Variants in PLEKHH1 observed in about 807,000 individuals in gnomAD.
PLEKHH1 encodes pleckstrin homology, MyTH4 and FERM domain containing H1.
PLEKHH1 carries 104 observed loss-of-function variants against 160.0 expected under a neutral mutation model. The observed-to-expected ratio is 0.65, with a 90% confidence interval of 0.55 to 0.76. The LOEUF (loss-of-function observed/expected upper bound fraction) is 0.76, where lower values mean the gene tolerates loss of function less well. Ranked by LOEUF, PLEKHH1 falls within the 30% of genes least tolerant of loss-of-function variation. The pLI, the probability that PLEKHH1 is intolerant of heterozygous loss-of-function variation, is 0.00. For synonymous variants in PLEKHH1, 619 were observed against 678.4 expected (o/e 0.91, Z 1.36); for missense variants, 1,427 against 1,724.1 (o/e 0.83, Z 3.05).
chr14:67,557,500 C>CAGG, intron 4 of PLEKHH1, 82 bp downstream of exon 4: 1 of 1,372,376 alleles, frequency 7.3e-7, no homozygotes, highest in Non-Finnish European at 1.0e-6. Flanking sequence ...CTGTTCCGCT[C>CAGG]AAGCCCTCTA....
chr14:67,569,356 A>G, intron 8 of PLEKHH1, 140 bp downstream of exon 8: 2 of 607,856 alleles, frequency 3.3e-6, no homozygotes, highest in Non-Finnish European at 5.8e-6. Context: ...GGTGAAGTTC[A>G]GGTGAAATCA....
intron 2 of PLEKHH1, among the ~76,000 whole-genome samples, chr14:67,548,367 G>C (rs531380230): frequency 6.6e-6 from 1 of 152,272 alleles, no homozygotes; most frequent in East Asian, 1.9e-4. Context: ...CTCCCTATCT[G>C]CTTCTTTATG....
chr14:67,547,120 G>A (rs1451649276), intron 2 of PLEKHH1, among the ~76,000 whole-genome samples: 1 of 152,034 alleles, frequency 6.6e-6, no homozygotes, highest in African/African-American at 2.4e-5. Flanking sequence ...GTCTTCACAT[G>A]GAAATGTTAG....
chr14:67,558,113 T>C (rs2034668618), intron 4 of PLEKHH1, among the ~76,000 whole-genome samples: 1 of 152,208 alleles, frequency 6.6e-6, no homozygotes, highest in Non-Finnish European at 1.5e-5. Context: ...CTGGAACATC[T>C]ACCTGCCAGT....
rs114579802 is a variant in PLEKHH1 at position 67,583,201 on chromosome 14, A to C, written c.3427-540A>C. 7.9e-3 allele frequency among the ~76,000 whole-genome samples: 1,208 copies of C among 152,352 alleles called. 21 individuals carry two copies. The highest frequency in any genetic ancestry group is 0.027 in the African/African-American group (1,140 of 41,584). On this transcript the variant is annotated intron_variant, in intron 24 of 28. Transcript: ENST00000329153. ...GTAATAGTTGATCTTTATAAATATCAATAGGAATACTCTCTAGGAGGCCCT... is the reference window on the plus strand; with the variant it reads ...GTAATAGTTGATCTTTATAAATATCCATAGGAATACTCTCTAGGAGGCCCT...
chr14:67,580,837 G>A, intron 22 of PLEKHH1, 101 bp from the exon 23 acceptor site: 1 of 755,934 alleles, frequency 1.3e-6, no homozygotes, highest in East Asian at 2.6e-5. Context: ...CTTTTCCTTA[G>A]TTTTCTTTGC....
At chr14:67,555,803 C>G (rs2034568950) in intron 2 of PLEKHH1, 22 bp from the exon 3 acceptor site, 4 of 1,612,510 alleles carry the variant, frequency 2.5e-6, no homozygotes, top group Non-Finnish European at 3.4e-6. Context: ...CCTACATCTC[C>G]CCTTTCTCTC....
At chr14:67,555,335 C>T (rs551217602) in intron 2 of PLEKHH1, among the ~76,000 whole-genome samples, 10 of 152,284 alleles carry the variant, frequency 6.6e-5, no homozygotes, top group South Asian at 4.1e-4. Flanking sequence ...GAGGTGCCCT[C>T]GACTGTGGGT....
Position 67,576,594 on chromosome 14 carries a change from T to C in PLEKHH1, c.2461+91T>C. The C allele has an allele frequency of 1.5e-6, 1 of 661,746 alleles. No individual in the cohort carries two copies. The highest frequency in any genetic ancestry group is 2.7e-6 in the Non-Finnish European group (1 of 372,236). The allele number at this position is 661,746 out of a possible 1,614,324, so 41.0% of individuals were successfully genotyped here. On this transcript the variant is annotated intron_variant, in intron 17 of 28. Coordinates refer to ENST00000329153, the MANE Select transcript of PLEKHH1 (RefSeq NM_020715.3). The surrounding 1 kb of genome is among the most constrained non-coding windows in gnomAD (Gnocchi z 4.0). ...TCCCAAAGAAAGCAGTGTTGTACCC[T>C]GAAGCTGTTTTTAAAACATCTAAGC...
At chr14:67,568,338 G>A (rs898601812) in intron 7 of PLEKHH1, among the ~76,000 whole-genome samples, 1 of 149,824 alleles carries the variant, frequency 6.7e-6, no homozygotes, top group African/African-American at 2.5e-5. Flanking sequence ...GCAAACTAAC[G>A]TAGGAACAAG....
intron 5 of PLEKHH1, 57 bp downstream of exon 5, chr14:67,559,748 C>T (rs757167724): frequency 1.5e-5 from 18 of 1,184,244 alleles, no homozygotes; most frequent in Admixed American, 2.0e-5. Flanking sequence ...CCTGCCCTGA[C>T]CCCCGGAGTT....
At position 67,582,246 on chromosome 14, in the gene PLEKHH1, G is replaced by T; in HGVS notation, c.3426+36G>T. On this transcript the variant is annotated intron_variant, in intron 24 of 28. Transcript: ENST00000329153. The surrounding 1 kb of genome is among the most constrained non-coding windows in gnomAD (Gnocchi z 5.0). ...GTTCAGGAAGCAGGAGGGTCGGGTT[G>T]CCAGCTTAGAATGAATGCACCATGC... 1 of 1,612,894 alleles carries T rather than the reference G, an allele frequency of 6.2e-7. No individual in the cohort carries two copies. The highest frequency in any genetic ancestry group is 8.5e-7 in the Non-Finnish European group (1 of 1,179,748).
intron 8 of PLEKHH1, 128 bp from the exon 9 acceptor site, chr14:67,569,793 G>A: frequency 1.5e-6 from 1 of 679,032 alleles, no homozygotes; most frequent in South Asian, 1.7e-5. Context: ...CAGGGCCCTG[G>A]CCCCCCTCTT....
At chr14:67,572,005 AC>A (rs2035400745) in intron 10 of PLEKHH1, 103 bp downstream of exon 10, 11 of 1,481,844 alleles carry the variant, frequency 7.4e-6, no homozygotes, top group Admixed American at 2.0e-5. Flanking sequence ...TGAGCTCGTG[AC>A]CCCCCAGCAG....
chr14:67,569,898 T>TCA, intron 8 of PLEKHH1, 23 bp from the exon 9 acceptor site: 1 of 1,512,858 alleles, frequency 6.6e-7, no homozygotes. Context: ...TTGAGTAATC[T>TCA]CATTCCTCTC....
At position 67,583,732 on chromosome 14, in the gene PLEKHH1, C is replaced by G; in HGVS notation, c.3427-9C>G. On this transcript the variant is annotated splice_polypyrimidine_tract_variant and intron_variant, in intron 24 of 28. Coordinates refer to ENST00000329153, the MANE Select transcript of PLEKHH1 (RefSeq NM_020715.3). ...TTTTGACTGGTCTCTTCATATGCTT[C>G]TACCACAGGTAGAATATGGGGACTT... 6.2e-7 allele frequency: 1 copy of G among 1,608,254 alleles called. No individual in the cohort carries two copies. Among genetic ancestry groups the G allele is most frequent in the Non-Finnish European group, 8.5e-7 (1 of 1,177,014 alleles).
chr14:67,545,824 T>G (rs2034154425), intron 2 of PLEKHH1, among the ~76,000 whole-genome samples: 1 of 152,222 alleles, frequency 6.6e-6, no homozygotes, highest in Admixed American at 6.5e-5. Flanking sequence ...ATACAGTTTA[T>G]GTACTTCTAA....
rs2034901932 is a variant in PLEKHH1 at position 67,562,768 on chromosome 14, G to C, written c.1137G>C (p.Met379Ile). The C allele has an allele frequency of 2.5e-6, 4 of 1,613,840 alleles. No homozygotes were observed. In the African/African-American group the frequency reaches 5.3e-5, roughly 22 times the overall value. ...GGGAGGAACCAGAGAAGATGGAGAT[G>C]GAGGAGCCACCCCCAGCAGGGAAGA... ...RSREEPEKMEMEEPPPAGKNE... is the reference protein window; with the variant it reads ...RSREEPEKMEIEEPPPAGKNE... Residue 379 changes from methionine to isoleucine, a missense_variant, in exon 7 of 29, where the codon ATG (methionine) becomes ATC (isoleucine). Coordinates refer to ENST00000329153, the MANE Select transcript of PLEKHH1 (RefSeq NM_020715.3).
chr14:67,541,188 C>T (rs986520162), intron 1 of PLEKHH1, among the ~76,000 whole-genome samples: 8 of 152,130 alleles, frequency 5.3e-5, no homozygotes, highest in African/African-American at 1.9e-4. Context: ...TATTTTGTTT[C>T]CATTTTTTTC....
Sources: gnomAD v4.1 joint callset for allele counts (sites outside exome capture counted in the v4.1 genomes callset) on GRCh38, gnomAD v4.1.1 for gene constraint, Gnocchi (gnomAD v3.1) non-coding constraint, MANE v1.5 for transcripts, NCBI Gene and HGNC (gene_info 2026-07-23, HGNC 2026-07-21) for gene names.